Variants in MYCT1 observed in about 807,000 individuals in gnomAD.
The protein encoded by MYCT1 is MYC target 1.
In MYCT1, 12 loss-of-function variants were observed where a neutral mutation model predicts 15.0. That is an observed-to-expected ratio of 0.80 (90% confidence interval 0.51 to 1.29). MYCT1 has a LOEUF of 1.29. Ranked by LOEUF, MYCT1 falls within the 50% of genes most tolerant of loss-of-function variation. The pLI is 0.00. For synonymous variants in MYCT1, 104 were observed against 102.7 expected, an observed-to-expected ratio of 1.01 and a Z score of -0.07; for missense variants, 287 against 279.1, an observed-to-expected ratio of 1.03 and a Z score of -0.20.
At chr6:152,707,365 C>G (rs1181009243) in intron 1 of MYCT1, among the ~76,000 whole-genome samples, 1 of 151,856 alleles carries the variant, frequency 6.6e-6, no homozygotes, top group Non-Finnish European at 1.5e-5. Context: ...TGTTTTCTTG[C>G]TTTTGTGTTG....
chr6:152,727,460 T>G (rs1447127612), downstream of MYCT1, among the ~76,000 whole-genome samples: 1 of 152,218 alleles, frequency 6.6e-6, no homozygotes, highest in Non-Finnish European at 1.5e-5. Flanking sequence ...TCTCTCATCC[T>G]TGTGTTATAG....
chr6:152,743,448 G>A, the MYCT1 span, among the ~76,000 whole-genome samples: 9 of 152,270 alleles, frequency 5.9e-5, no homozygotes, highest in Admixed American at 5.9e-4. Flanking sequence ...CTCCCCGTTA[G>A]GATGCATCTC....
chr6:152,706,189 C>A (rs1238337113), intron 1 of MYCT1: 8 of 892,480 alleles, frequency 9.0e-6, no homozygotes, highest in Non-Finnish European at 1.5e-5. Context: ...AGGCAGAGTT[C>A]CTCACCAATA....
chr6:152,698,644 G>T (rs1207915733), intron 1 of MYCT1, among the ~76,000 whole-genome samples: 1 of 151,798 alleles, frequency 6.6e-6, no homozygotes, highest in Non-Finnish European at 1.5e-5. Flanking sequence ...CAATAACACA[G>T]GTAAAATAAA....
At chr6:152,738,153 G>A in the MYCT1 span, among the ~76,000 whole-genome samples, 1 of 151,912 alleles carries the variant, frequency 6.6e-6, no homozygotes, top group African/African-American at 2.4e-5. Flanking sequence ...TAAAAATTCT[G>A]TAAAAGCATG....
chr6:152,712,706 T>C lies in MYCT1; in HGVS notation c.197-9036T>C, dbSNP rs117575452. ...ATACTTAAGGGATACTTTTGCTGGA[T>C]ATAAAATTCTGAGTTGACAGCTTTT... On this transcript the variant is annotated intron_variant, in intron 1 of 1. Coordinates refer to ENST00000367245, the MANE Select transcript of MYCT1 (RefSeq NM_025107.3). Among the ~76,000 whole-genome samples, 60 of 152,264 alleles carry C rather than the reference T, an allele frequency of 3.9e-4. No homozygotes were observed. The East Asian group carries it at 9.8e-3, about 25-fold the overall frequency.
chr6:152,729,338 T>C (rs1314483232), downstream of MYCT1, among the ~76,000 whole-genome samples: 1 of 152,192 alleles, frequency 6.6e-6, no homozygotes, highest in Non-Finnish European at 1.5e-5. Context: ...AAGTGGTTTG[T>C]CTTTAACCTT....
chr6:152,704,764 C>A (rs1339232578), intron 1 of MYCT1, among the ~76,000 whole-genome samples: 1 of 151,944 alleles, frequency 6.6e-6, no homozygotes. Context: ...TTAAGGTGTC[C>A]AACATGATAT....
the MYCT1 span, among the ~76,000 whole-genome samples, chr6:152,730,927 G>T: frequency 6.6e-6 from 1 of 152,124 alleles, no homozygotes; most frequent in Non-Finnish European, 1.5e-5. Flanking sequence ...AAATATAGAT[G>T]ATCTCTTTTG....
intron 1 of MYCT1, among the ~76,000 whole-genome samples, chr6:152,706,319 G>T (rs927003192): frequency 6.6e-6 from 1 of 152,156 alleles, no homozygotes. Context: ...TGCTGTCATT[G>T]TTCATGCCTA....
chr6:152,716,685 A>G (rs760967982), intron 1 of MYCT1, among the ~76,000 whole-genome samples: 4 of 152,218 alleles, frequency 2.6e-5, no homozygotes, highest in Admixed American at 6.5e-5. Flanking sequence ...TAGCAGTAAG[A>G]GCCAGTGTTC....
chr6:152,705,393 T>C (rs1408068099), intron 1 of MYCT1, among the ~76,000 whole-genome samples: 1 of 152,188 alleles, frequency 6.6e-6, no homozygotes, highest in African/African-American at 2.4e-5. Flanking sequence ...TGAATGCTTA[T>C]GGCTTTTGCA....
Position 152,697,993 on chromosome 6 carries a change from A to C in MYCT1, c.91A>C (p.Ile31Leu), listed in dbSNP as rs1158561675. 4 of 1,608,614 alleles carry C rather than the reference A, an allele frequency of 2.5e-6. No individual in the cohort carries two copies. Among genetic ancestry groups the C allele is most frequent in the Non-Finnish European group, 3.4e-6 (4 of 1,177,766 alleles). ...TAGAATCAAACTGCTTTTTTTCGACATACTGGTTTTTCTTTCTGTTTTTCT... is the reference window on the plus strand; with the variant it reads ...TAGAATCAAACTGCTTTTTTTCGACCTACTGGTTTTTCTTTCTGTTTTTCT... Reference protein sequence around the residue: ...RDRIKLLFFDILVFLSVFLLF... With the variant: ...RDRIKLLFFDLLVFLSVFLLF... The change falls in exon 1 of 2, where the codon ATA (isoleucine) becomes CTA (leucine). Residue 31 changes from isoleucine to leucine, a missense_variant. Transcript: ENST00000367245.
chr6:152,703,178 C>T (rs879294369), intron 1 of MYCT1, among the ~76,000 whole-genome samples: 8 of 152,144 alleles, frequency 5.3e-5, no homozygotes, highest in Non-Finnish European at 1.2e-4. Context: ...GGAAAATTCC[C>T]TATTGTAACT....
At chr6:152,715,334 A>G (rs1296577477) in intron 1 of MYCT1, among the ~76,000 whole-genome samples, 1 of 152,186 alleles carries the variant, frequency 6.6e-6, no homozygotes, top group East Asian at 1.9e-4. Context: ...CACCTCTAGC[A>G]ATACTGTTAA....
At chr6:152,740,769 T>A in the MYCT1 span, among the ~76,000 whole-genome samples, 3 of 152,094 alleles carry the variant, frequency 2.0e-5, no homozygotes, top group African/African-American at 7.2e-5. Flanking sequence ...GAAAAACTAA[T>A]TTTTTTATAT....
downstream of MYCT1, among the ~76,000 whole-genome samples, chr6:152,725,111 T>C (rs2099725413): frequency 6.6e-6 from 1 of 151,862 alleles, no homozygotes; most frequent in East Asian, 1.9e-4. Flanking sequence ...ATATTAACAG[T>C]TTTGATTATT....
chr6:152,727,177 C>T (rs2099725802), downstream of MYCT1, among the ~76,000 whole-genome samples: 1 of 149,778 alleles, frequency 6.7e-6, no homozygotes, highest in Non-Finnish European at 1.5e-5. Flanking sequence ...CACCACTGCA[C>T]TCCTGCCTGG....
the MYCT1 span, among the ~76,000 whole-genome samples, chr6:152,745,351 G>A: frequency 1.6e-4 from 24 of 152,064 alleles, no homozygotes; most frequent in Non-Finnish European, 2.1e-4. Context: ...TAATCTTGGC[G>A]GCATGGGAGG....
Sources: gnomAD v4.1 joint callset for allele counts (sites outside exome capture counted in the v4.1 genomes callset) on GRCh38, gnomAD v4.1.1 for gene constraint, MANE v1.5 for transcripts, NCBI Gene and HGNC (gene_info 2026-07-23, HGNC 2026-07-21) for gene names.